KCNH1: variants seen among roughly 807,000 people sequenced by gnomAD.
KCNH1 encodes potassium voltage-gated channel subfamily H member 1.
In KCNH1, 27 loss-of-function variants were observed where a neutral mutation model predicts 69.2. The ratio of observed to expected loss-of-function variants is 0.39; its 90% CI spans 0.29 to 0.54. The LOEUF is 0.54. KCNH1 is among the 20% of genes least tolerant of loss of function. The pLI is 0.68. For missense variants in KCNH1, 798 were observed against 1,261.6 expected (o/e 0.63, Z 5.57); for synonymous variants, 456 against 487.7 (o/e 0.93, Z 0.86).
At chr1:211,005,264 T>C (rs1459812389) in intron 6 of KCNH1, among the ~76,000 whole-genome samples, 1 of 152,144 alleles carries the variant, frequency 6.6e-6, no homozygotes, top group African/African-American at 2.4e-5. Context: ...CTTTGATTAT[T>C]TAAATAATTA....
intron 8 of KCNH1, among the ~76,000 whole-genome samples, chr1:210,799,378 C>T (rs1684385789): frequency 6.6e-6 from 1 of 152,078 alleles, no homozygotes; most frequent in South Asian, 2.1e-4. Flanking sequence ...TACTAGGCAG[C>T]TGCCCCACAA....
chr1:211,096,803 T>C (rs576214753), intron 3 of KCNH1, among the ~76,000 whole-genome samples: 116 of 152,326 alleles, frequency 7.6e-4, no homozygotes, highest in Middle Eastern at 3.4e-3. Flanking sequence ...GGTGTAAGCA[T>C]GGCCAATAAA....
rs181811615 is a variant in KCNH1 at position 210,892,087 on chromosome 1, T to C, written c.1462+27553A>G. ...GGCGGTCAGGGGGCTAAGGGAGGGATAGCATTAGAAGAAATACCTAATGTA... is the reference window on the plus strand; with the variant it reads ...GGCGGTCAGGGGGCTAAGGGAGGGACAGCATTAGAAGAAATACCTAATGTA... On this transcript the variant is annotated intron_variant, in intron 7 of 10. Coordinates refer to ENST00000271751, the MANE Select transcript of KCNH1 (RefSeq NM_172362.3). Among the ~76,000 whole-genome samples the C allele has an allele frequency of 1.7e-4, 26 of 152,002 alleles. 1 individual carries two copies. In the East Asian group the frequency reaches 4.9e-3, roughly 28 times the overall value.
chr1:211,057,616 G>A (rs2102446380), intron 5 of KCNH1, among the ~76,000 whole-genome samples: 1 of 152,068 alleles, frequency 6.6e-6, no homozygotes, highest in South Asian at 2.1e-4. Context: ...TCTAGCCTGG[G>A]TGGCAGAGAA....
At chr1:210,843,895 G>A (rs1685479080) in intron 7 of KCNH1, among the ~76,000 whole-genome samples, 1 of 152,146 alleles carries the variant, frequency 6.6e-6, no homozygotes, top group Admixed American at 6.6e-5. Flanking sequence ...GCCTTGTCCA[G>A]GTGAATAGCA....
At position 210,890,417 on chromosome 1, in the gene KCNH1, G is replaced by A. The variant is rs146366691; in HGVS notation, c.1462+29223C>T. On this transcript the variant is annotated intron_variant, in intron 7 of 10. Transcript: ENST00000271751. ...TTCCAGAAGGATTAAAGACTTAAATGTAAGACCTAAAACCATAAAAACCCT... is the reference window on the plus strand; with the variant it reads ...TTCCAGAAGGATTAAAGACTTAAATATAAGACCTAAAACCATAAAAACCCT... Among the ~76,000 whole-genome samples, 416 of 152,218 alleles carry A rather than the reference G, an allele frequency of 2.7e-3. 2 individuals carry two copies. The highest frequency in any genetic ancestry group is 9.4e-3 in the African/African-American group (390 of 41,540).
chr1:210,997,146 A>T (rs965305381), intron 6 of KCNH1, among the ~76,000 whole-genome samples: 2 of 152,254 alleles, frequency 1.3e-5, no homozygotes, highest in Non-Finnish European at 2.9e-5. Context: ...CCAGCAACGG[A>T]ACAAAGCTGG....
At chr1:210,979,036 C>T (rs866138164) in intron 6 of KCNH1, among the ~76,000 whole-genome samples, 1 of 152,302 alleles carries the variant, frequency 6.6e-6, no homozygotes, top group African/African-American at 2.4e-5. Context: ...CCTGCAACCT[C>T]GGGCTTCTAG....
intron 6 of KCNH1, among the ~76,000 whole-genome samples, chr1:210,921,418 T>C (rs530332821): frequency 6.6e-6 from 1 of 152,346 alleles, no homozygotes; most frequent in South Asian, 2.1e-4. Context: ...TTTTAAACAC[T>C]AACAGTTTCA....
chr1:210,875,794 C>T (rs1463136655), intron 7 of KCNH1, among the ~76,000 whole-genome samples: 2 of 138,286 alleles, frequency 1.4e-5, no homozygotes, highest in Non-Finnish European at 3.1e-5. Flanking sequence ...CAGAGCAAGA[C>T]ACTTTCTCAA....
chr1:210,804,443 A>G (rs1055595954), intron 7 of KCNH1, among the ~76,000 whole-genome samples: 3 of 152,214 alleles, frequency 2.0e-5, no homozygotes, highest in African/African-American at 7.2e-5. Context: ...CAGAACTAAG[A>G]CACAGCAGTG....
intron 3 of KCNH1, among the ~76,000 whole-genome samples, chr1:211,092,396 C>T (rs991057054): frequency 6.6e-6 from 1 of 152,226 alleles, no homozygotes; most frequent in African/African-American, 2.4e-5. Context: ...AATGTACAAA[C>T]AGGCAGCAAG....
chr1:210,874,009 A>G (rs1243025528), intron 7 of KCNH1, among the ~76,000 whole-genome samples: 5 of 152,318 alleles, frequency 3.3e-5, no homozygotes, highest in Middle Eastern at 3.4e-3. Flanking sequence ...GCTGGGGATT[A>G]ATTTAGCCCT....
chr1:210,915,620 C>A (rs1687319494), intron 7 of KCNH1, among the ~76,000 whole-genome samples: 2 of 152,158 alleles, frequency 1.3e-5, no homozygotes, highest in South Asian at 2.1e-4. Context: ...GACATAAAAC[C>A]AGGCACTTGG....
intron 10 of KCNH1, among the ~76,000 whole-genome samples, chr1:210,749,161 A>C (rs932033330): frequency 1.3e-5 from 2 of 152,248 alleles, no homozygotes; most frequent in African/African-American, 4.8e-5. Flanking sequence ...ATGTCCACCC[A>C]GCCCCTCAAA....
rs77780832 is a variant in KCNH1, at chr1:210,793,750, G to T, written c.1915+3758C>A. On this transcript the variant is annotated intron_variant, in intron 9 of 10. Coordinates refer to ENST00000271751, the MANE Select transcript of KCNH1 (RefSeq NM_172362.3). The stretch of plus-strand genomic sequence containing the variant: ...CTGGCGTTTTTTTCTAAAGGCTCTT[G>T]CTTGTGATAACTAAGGATTACTTGC... 1.1e-3 allele frequency among the ~76,000 whole-genome samples: 161 copies of T among 152,354 alleles called. 1 individual carries two copies. Among genetic ancestry groups the T allele is most frequent in the African/African-American group, 3.8e-3 (160 of 41,588 alleles).
chr1:211,023,124 A>G (rs1558571704), intron 5 of KCNH1, among the ~76,000 whole-genome samples: 1 of 131,490 alleles, frequency 7.6e-6, no homozygotes, highest in East Asian at 2.3e-4. Flanking sequence ...AAAAATAAAT[A>G]AATAAATAAA....
rs12407251 is a variant in KCNH1, at chr1:210,760,376, T to C, written c.2112+14972A>G. Among the ~76,000 whole-genome samples the C allele has an allele frequency of 5.7e-3, 865 of 152,276 alleles. 34 individuals are homozygous for C. Among genetic ancestry groups the C allele is most frequent in the Admixed American group, 0.049 (754 of 15,296 alleles). Reference sequence around the variant, plus strand: ...CAGAAACCTTGCCAGCCAGAAGAGATTGGGGACCATTTTTGGCATTCTTGA... The same window carrying C: ...CAGAAACCTTGCCAGCCAGAAGAGACTGGGGACCATTTTTGGCATTCTTGA... On this transcript the variant is annotated intron_variant, in intron 10 of 10. Coordinates refer to ENST00000271751, the MANE Select transcript of KCNH1 (RefSeq NM_172362.3).
chr1:211,049,488 G>C (rs1347153868), intron 5 of KCNH1, among the ~76,000 whole-genome samples: 5 of 152,180 alleles, frequency 3.3e-5, no homozygotes, highest in Admixed American at 3.3e-4. Context: ...TTTTTGGTTT[G>C]TTGTTGTTGT....
Sources: allele counts gnomAD v4.1 joint callset (sites outside exome capture counted in the v4.1 genomes callset), GRCh38; gene constraint gnomAD v4.1.1; transcripts MANE v1.5; gene names NCBI Gene and HGNC (gene_info 2026-07-23, HGNC 2026-07-21).